Variants in CTNNA3 observed in about 807,000 individuals in gnomAD.
The protein encoded by CTNNA3 is catenin alpha 3.
Under a neutral mutation model 95.7 loss-of-function variants are expected in CTNNA3, and 76 were observed. That is an observed-to-expected ratio of 0.79 (90% CI 0.66 to 0.96). CTNNA3 has a LOEUF of 0.96. Ranked by LOEUF, CTNNA3 falls within the 40% of genes least tolerant of loss-of-function variation. The pLI is 0.00. For synonymous variants in CTNNA3, 431 were observed against 374.4 expected (o/e 1.15, Z -1.74); for missense variants, 1,191 against 1,089.8 (o/e 1.09, Z -1.31).
chr10:65,975,164 A>G (rs186071644), intron 16 of CTNNA3, among the ~76,000 whole-genome samples: 1 of 152,202 alleles, frequency 6.6e-6, no homozygotes, highest in Admixed American at 6.5e-5. Flanking sequence ...AAAGAATTCA[A>G]CTCTTCTGCA....
chr10:66,711,164 A>C (rs1032422570), intron 9 of CTNNA3, among the ~76,000 whole-genome samples: 1 of 151,674 alleles, frequency 6.6e-6, no homozygotes, highest in Non-Finnish European at 1.5e-5. Flanking sequence ...ATTTGTTAGA[A>C]CATGTATTCT....
chr10:67,487,051 T>C (rs1326299691), intron 5 of CTNNA3, among the ~76,000 whole-genome samples: 1 of 152,076 alleles, frequency 6.6e-6, no homozygotes, highest in Non-Finnish European at 1.5e-5. Context: ...TGAGGCCCCA[T>C]CAGTGTCCCA....
chr10:66,178,694 C>T (rs1245098719), intron 13 of CTNNA3, among the ~76,000 whole-genome samples: 4 of 151,382 alleles, frequency 2.6e-5, no homozygotes, highest in Non-Finnish European at 3.0e-5. Context: ...ATCAAGAATA[C>T]ATAAAGACCT....
intron 3 of CTNNA3, among the ~76,000 whole-genome samples, chr10:67,562,782 T>C (rs1320486373): frequency 1.3e-5 from 2 of 152,144 alleles, no homozygotes; most frequent in Non-Finnish European, 2.9e-5. Context: ...ATAAGCAACT[T>C]CAACAAAGTC....
chr10:67,094,253 A>G (rs186473050), intron 7 of CTNNA3, among the ~76,000 whole-genome samples: 1 of 152,044 alleles, frequency 6.6e-6, no homozygotes, highest in African/African-American at 2.4e-5. Flanking sequence ...TATTACATTT[A>G]AGAATCATTG....
intron 9 of CTNNA3, among the ~76,000 whole-genome samples, chr10:66,677,720 C>T (rs1216995329): frequency 6.6e-6 from 1 of 152,110 alleles, no homozygotes; most frequent in Admixed American, 6.6e-5. Flanking sequence ...TGATTATAAG[C>T]CTCCCCAGCC....
At chr10:65,938,343 A>G (rs2077375349) in intron 17 of CTNNA3, among the ~76,000 whole-genome samples, 1 of 152,208 alleles carries the variant, frequency 6.6e-6, no homozygotes, top group South Asian at 2.1e-4. Flanking sequence ...CCAGGGAAAT[A>G]ACGCATAATT....
intron 9 of CTNNA3, among the ~76,000 whole-genome samples, chr10:66,685,588 G>C (rs1306332957): frequency 6.7e-6 from 1 of 150,348 alleles, no homozygotes; most frequent in Non-Finnish European, 1.5e-5. Context: ...TAGCCAGGAT[G>C]GTCTCGATCT....
chr10:66,157,804 C>T (rs531296669), intron 13 of CTNNA3, among the ~76,000 whole-genome samples: 1 of 152,024 alleles, frequency 6.6e-6, no homozygotes, highest in East Asian at 1.9e-4. Flanking sequence ...GAAGTGTTCC[C>T]TGATTATCTC....
At chr10:67,433,520 T>C (rs545311187) in intron 5 of CTNNA3, among the ~76,000 whole-genome samples, 54 of 152,234 alleles carry the variant, frequency 3.5e-4, no homozygotes, top group Non-Finnish European at 6.5e-4. Flanking sequence ...ACAAACCTTC[T>C]ATCTGTAAAA....
chr10:67,211,132 T>C (rs1188949001), intron 6 of CTNNA3, among the ~76,000 whole-genome samples: 1 of 152,152 alleles, frequency 6.6e-6, no homozygotes, highest in East Asian at 1.9e-4. Context: ...CACATGACAA[T>C]GTGGAAATAG....
rs184629072 is a variant in CTNNA3 at position 65,942,934 on chromosome 10, A to T, written c.2401-22317T>A. The stretch of plus-strand genomic sequence containing the variant: ...TGGTAAAACAACAGAGATTGCTACA[A>T]TTATTATAAAGATTAAATAAAGTAA... On this transcript the variant is annotated intron_variant, in intron 17 of 17. Transcript: ENST00000433211. Among the ~76,000 whole-genome samples the T allele has an allele frequency of 3.5e-3, 534 of 152,366 alleles. 5 individuals carry two copies. Among genetic ancestry groups the T allele is most frequent in the African/African-American group, 0.012 (489 of 41,594 alleles).
intron 12 of CTNNA3, among the ~76,000 whole-genome samples, chr10:66,288,358 A>AT (rs144837627): frequency 0.056 from 7,853 of 141,396 alleles, 392 homozygotes; most frequent in African/African-American, 0.14. Flanking sequence ...AGATTCTACA[A>AT]TAAAAAAAAT....
chr10:66,066,708 C>A (rs751473301), intron 15 of CTNNA3, among the ~76,000 whole-genome samples: 6 of 152,068 alleles, frequency 3.9e-5, no homozygotes, highest in Non-Finnish European at 5.9e-5. Flanking sequence ...CTTCACTGCA[C>A]ATAATCTTTG....
chr10:65,947,836 T>C (rs962630769), intron 17 of CTNNA3, among the ~76,000 whole-genome samples: 1 of 152,238 alleles, frequency 6.6e-6, no homozygotes, highest in Admixed American at 6.5e-5. Context: ...TTCCATGTTA[T>C]GTGAATGAGA....
At chr10:67,500,372 A>C (rs991756210) in intron 5 of CTNNA3, among the ~76,000 whole-genome samples, 1 of 152,314 alleles carries the variant, frequency 6.6e-6, no homozygotes, top group African/African-American at 2.4e-5. Flanking sequence ...TTTTAGAATA[A>C]GTGTGATGTG....
intron 5 of CTNNA3, among the ~76,000 whole-genome samples, chr10:67,327,989 TA>T (rs1156329297): frequency 1.3e-5 from 2 of 151,920 alleles, no homozygotes; most frequent in Non-Finnish European, 2.9e-5. Flanking sequence ...AGTGTTACCA[TA>T]AGGGCAGAGC....
At chr10:66,616,492 A>T (rs1201888252) in intron 10 of CTNNA3, among the ~76,000 whole-genome samples, 2 of 152,204 alleles carry the variant, frequency 1.3e-5, no homozygotes, top group East Asian at 3.9e-4. Context: ...TTCCTGGCTA[A>T]AAATTCCCTA....
At chr10:67,693,434 C>T (rs967643020) in intron 1 of CTNNA3, among the ~76,000 whole-genome samples, 1 of 152,186 alleles carries the variant, frequency 6.6e-6, no homozygotes, top group African/African-American at 2.4e-5. Context: ...GTTTTCATTA[C>T]AAAGCGCATA....
Sources: gnomAD v4.1 joint callset for allele counts (sites outside exome capture counted in the v4.1 genomes callset) on GRCh38, gnomAD v4.1.1 for gene constraint, MANE v1.5 for transcripts, NCBI Gene and HGNC (gene_info 2026-07-23, HGNC 2026-07-21) for gene names.